Variants in GRAMD1B observed in about 807,000 individuals in gnomAD.
GRAMD1B encodes the protein protein Aster-B.
GRAMD1B carries 37 observed loss-of-function variants against 99.7 expected under a neutral mutation model. The ratio of observed to expected loss-of-function variants is 0.37; its 90% CI spans 0.29 to 0.49. The LOEUF is 0.49. Ranked by LOEUF, GRAMD1B falls within the 20% of genes least tolerant of loss-of-function variation. GRAMD1B has a pLI of 0.98. For missense variants in GRAMD1B, 888 were observed against 1,009.2 expected, an observed-to-expected ratio of 0.88 and a Z score of 1.63; for synonymous variants, 427 against 387.6, an observed-to-expected ratio of 1.10 and a Z score of -1.19.
At chr11:123,594,227 T>C in intron 5 of GRAMD1B, 61 bp downstream of exon 5, 2 of 1,144,470 alleles carry the variant, frequency 1.7e-6, no homozygotes, top group Non-Finnish European at 2.7e-6. Flanking sequence ...GGCATAGCAC[T>C]CAGGGTGCTT....
chr11:123,430,003 C>G (rs551528902), upstream of GRAMD1B, among the ~76,000 whole-genome samples: 2 of 152,094 alleles, frequency 1.3e-5, no homozygotes, highest in Admixed American at 6.5e-5. Flanking sequence ...CCCCCCACCC[C>G]CAAGGAAATA....
chr11:123,411,899 T>C (rs967688334), intron 1 of GRAMD1B, among the ~76,000 whole-genome samples: 3 of 152,192 alleles, frequency 2.0e-5, no homozygotes, highest in African/African-American at 7.2e-5. Flanking sequence ...TCCGCCTGCC[T>C]CACCCTCCAA....
rs367943885 is a variant in GRAMD1B at position 123,434,589 on chromosome 11, AC to A, written c.374+3425del. On this transcript the variant is annotated intron_variant, in intron 1 of 19. Coordinates refer to ENST00000635736, the MANE Select transcript of GRAMD1B (RefSeq NM_001387025.1). ...GATCATTTGAGGCCAGGAGTTCGAGACCAGCCTAGCCAACATGGCAAAACCC... is the reference window on the plus strand; with the variant it reads ...GATCATTTGAGGCCAGGAGTTCGAGACAGCCTAGCCAACATGGCAAAACCC... 1.1e-4 allele frequency among the ~76,000 whole-genome samples: 16 copies of A among 152,266 alleles called. No individual in the cohort carries two copies. The East Asian group carries it at 2.5e-3, about 24-fold the overall frequency.
intron 17 of GRAMD1B, chr11:123,618,253 C>A: frequency 9.7e-7 from 1 of 1,029,712 alleles, no homozygotes. Context: ...CACTCACTCC[C>A]AGGTTGATTT....
rs185089222 is a variant in GRAMD1B at position 123,571,377 on chromosome 11, G to A, written c.453-5990G>A. 1.6e-3 allele frequency among the ~76,000 whole-genome samples: 237 copies of A among 152,288 alleles called. 1 individual carries two copies. Among genetic ancestry groups the A allele is most frequent in the African/African-American group, 5.4e-3 (224 of 41,542 alleles). ...GGGTGAGGGTGGGGGCAGGGATGCC[G>A]CAGAGAGTCACTGAAGAAAGCCTGA... On this transcript the variant is annotated intron_variant, in intron 2 of 19. Coordinates refer to ENST00000635736, the MANE Select transcript of GRAMD1B (RefSeq NM_001387025.1).
chr11:123,504,620 T>G (rs550675005), intron 2 of GRAMD1B, among the ~76,000 whole-genome samples: 2 of 152,262 alleles, frequency 1.3e-5, no homozygotes, highest in African/African-American at 4.8e-5. Context: ...CTTCTCTCCA[T>G]CCACAGCTCC....
chr11:123,427,074 T>C (rs1591501676), upstream of GRAMD1B, among the ~76,000 whole-genome samples: 1 of 152,008 alleles, frequency 6.6e-6, no homozygotes, highest in Non-Finnish European at 1.5e-5. Context: ...GGGGCAAAGG[T>C]GAGGTCTGTT....
intron 2 of GRAMD1B, among the ~76,000 whole-genome samples, chr11:123,483,240 G>T (rs954590024): frequency 1.3e-5 from 2 of 152,122 alleles, no homozygotes; most frequent in Non-Finnish European, 2.9e-5. Context: ...TGACTAACGG[G>T]TGGGGCATGT....
At chr11:123,532,111 G>C (rs1565337880) in intron 2 of GRAMD1B, among the ~76,000 whole-genome samples, 1 of 152,212 alleles carries the variant, frequency 6.6e-6, no homozygotes, top group Non-Finnish European at 1.5e-5. Flanking sequence ...GTTATGCCAT[G>C]ATAATACCAT....
At chr11:123,418,556 A>C (rs1270707069) in intron 1 of GRAMD1B, among the ~76,000 whole-genome samples, 1 of 152,192 alleles carries the variant, frequency 6.6e-6, no homozygotes, top group Non-Finnish European at 1.5e-5. Flanking sequence ...TCAGGAGTGA[A>C]TGTTCTGGGC....
chr11:123,621,156 A>C (rs536362151), intron 19 of GRAMD1B, among the ~76,000 whole-genome samples: 1 of 152,316 alleles, frequency 6.6e-6, no homozygotes, highest in Non-Finnish European at 1.5e-5. Flanking sequence ...CAAGATATAA[A>C]TGAACCAGAG....
At chr11:123,563,354 C>A (rs1628021) in intron 2 of GRAMD1B, among the ~76,000 whole-genome samples, 21,696 of 151,970 alleles carry the variant, frequency 0.14, 1,702 homozygotes, top group Admixed American at 0.21. Context: ...TTTTTAACTT[C>A]AGAGAATAGG....
chr11:123,477,436 C>T (rs1033914645), intron 1 of GRAMD1B, among the ~76,000 whole-genome samples: 8 of 151,264 alleles, frequency 5.3e-5, no homozygotes, highest in African/African-American at 1.2e-4. Flanking sequence ...CTGTCTTGAG[C>T]GAATGGCAAA....
At chr11:123,582,926 C>T (rs1949541047) in intron 3 of GRAMD1B, among the ~76,000 whole-genome samples, 2 of 152,178 alleles carry the variant, frequency 1.3e-5, no homozygotes, top group African/African-American at 2.4e-5. Flanking sequence ...AAAGCTCCCC[C>T]ACCCAGCGAT....
intron 2 of GRAMD1B, among the ~76,000 whole-genome samples, chr11:123,502,774 CA>C (rs34321315): frequency 0.51 from 49,792 of 98,130 alleles, 9,234 homozygotes; most frequent in Middle Eastern, 0.57. Flanking sequence ...GACTCCATCT[CA>C]AAAAAAAAAA....
intron 19 of GRAMD1B, 115 bp from the exon 20 acceptor site, chr11:123,622,391 G>T: frequency 1.5e-6 from 1 of 667,632 alleles, no homozygotes; most frequent in South Asian, 1.5e-5. Context: ...ACTCTTTTCA[G>T]CCCCATGGCG....
At chr11:123,393,313 A>T (rs912045175) in intron 1 of GRAMD1B, among the ~76,000 whole-genome samples, 2 of 152,204 alleles carry the variant, frequency 1.3e-5, no homozygotes, top group Non-Finnish European at 2.9e-5. Context: ...TCTAATGTCT[A>T]TTATATGTTT....
At chr11:123,367,117 C>G (rs1449306889) in intron 1 of GRAMD1B, among the ~76,000 whole-genome samples, 1 of 152,118 alleles carries the variant, frequency 6.6e-6, no homozygotes, top group African/African-American at 2.4e-5. Flanking sequence ...GTGGGAGGAT[C>G]ACTTTAGCCC....
rs142360908 is a variant in GRAMD1B at position 123,548,349 on chromosome 11, CAT to C, written c.453-29005_453-29004del. On this transcript the variant is annotated intron_variant, in intron 2 of 19. Transcript: ENST00000635736. ...ATACACACACACACACACACACACA[CAT>C]ATATATATATATGTACACACACACA... 5.6e-3 allele frequency among the ~76,000 whole-genome samples: 604 copies of C among 107,610 alleles called. 9 individuals carry two copies. The highest frequency in any genetic ancestry group is 0.013 in the African/African-American group (274 of 21,872). The allele number at this position is 107,610 out of a possible 152,430, so 70.6% of individuals were successfully genotyped here.
Sources: allele counts gnomAD v4.1 joint callset (sites outside exome capture counted in the v4.1 genomes callset), GRCh38; gene constraint gnomAD v4.1.1; transcripts MANE v1.5; gene names NCBI Gene and HGNC (gene_info 2026-07-23, HGNC 2026-07-21).